The following CDC42SE2 variants were observed in gnomAD, a reference collection of about 807,000 sequenced individuals.
The protein encoded by CDC42SE2 is CDC42 small effector protein 2.
In CDC42SE2, 3 loss-of-function variants were observed where a neutral mutation model predicts 11.5. That is an observed-to-expected ratio of 0.26 (90% CI 0.12 to 0.67). The LOEUF (loss-of-function observed/expected upper bound fraction) is 0.67. Ranked by LOEUF, CDC42SE2 falls within the 30% of genes least tolerant of loss-of-function variation. CDC42SE2 has a pLI of 0.80. For missense variants in CDC42SE2, 82 were observed against 106.8 expected (o/e 0.77, Z 1.02); for synonymous variants, 33 against 34.8 (o/e 0.95, Z 0.18).
chr5:131,234,891 A>ATTTTT, the CDC42SE2 span, among the ~76,000 whole-genome samples: 1 of 135,058 alleles, frequency 7.4e-6, no homozygotes, highest in Admixed American at 7.5e-5. Context: ...GTGAGGGCAA[A>ATTTTT]TTTTTTTTTT....
At chr5:131,308,828 G>A (rs1023850335) in intron 1 of CDC42SE2, among the ~76,000 whole-genome samples, 1 of 152,306 alleles carries the variant, frequency 6.6e-6, no homozygotes, top group Non-Finnish European at 1.5e-5. Context: ...TTGCTTATCA[G>A]CTTAGGGAGA....
At chr5:131,236,974 C>T in the CDC42SE2 span, among the ~76,000 whole-genome samples, 36 of 152,322 alleles carry the variant, frequency 2.4e-4, no homozygotes, top group African/African-American at 8.4e-4. Flanking sequence ...CATTACTCCT[C>T]TATTTCATAT....
At chr5:131,331,560 A>G (rs1341032130) in intron 2 of CDC42SE2, among the ~76,000 whole-genome samples, 1 of 152,226 alleles carries the variant, frequency 6.6e-6, no homozygotes, top group Non-Finnish European at 1.5e-5. Context: ...AGTGAAATAT[A>G]TGATTAACAT....
rs1195746400 is a variant in CDC42SE2 at position 131,253,885 on chromosome 5, C to A, written n.108-1210C>A. Among the ~76,000 whole-genome samples the A allele has an allele frequency of 3.3e-5, 5 of 152,294 alleles. No individual in the cohort carries two copies. In the South Asian group the frequency reaches 1.0e-3, roughly 32 times the overall value. On this transcript the variant is annotated intron_variant and non_coding_transcript_variant, in intron 1 of 3. Transcript: ENST00000502840. The stretch of plus-strand genomic sequence containing the variant: ...ACTTGCGTTAGGTTTTTTTGGGAAT[C>A]TCTCATAGTCACTTTCAGTGTTCCA...
chr5:131,351,411 C>T lies in CDC42SE2; in HGVS notation c.-285-7798C>T, dbSNP rs575938134. On this transcript the variant is annotated intron_variant, in intron 2 of 4. Transcript: ENST00000505065. Reference sequence around the variant, plus strand: ...CTGGGACTACAGGTGCCTGCCACCACGCCCAGCAAATTTTTTGTATTTTTA... The same window carrying T: ...CTGGGACTACAGGTGCCTGCCACCATGCCCAGCAAATTTTTTGTATTTTTA... 1.6e-3 allele frequency among the ~76,000 whole-genome samples: 251 copies of T among 152,208 alleles called. 1 individual carries two copies. Among genetic ancestry groups the T allele is most frequent in the African/African-American group, 5.3e-3 (221 of 41,490 alleles).
rs564948166 is a variant in CDC42SE2 at position 131,270,844 on chromosome 5, T to A, written c.-455+6678T>A. On this transcript the variant is annotated intron_variant, in intron 1 of 4. Coordinates refer to ENST00000505065, the MANE Select transcript of CDC42SE2 (RefSeq NM_001375635.1). ...CTAGAAGCTTGTTTTGGAGGAAGAGTCGTACTTAGTTGGCTTCTCTTTTTA... is the reference window on the plus strand; with the variant it reads ...CTAGAAGCTTGTTTTGGAGGAAGAGACGTACTTAGTTGGCTTCTCTTTTTA... Among the ~76,000 whole-genome samples the A allele has an allele frequency of 3.3e-5, 5 of 152,164 alleles. No individual in the cohort carries two copies. The South Asian group carries it at 1.0e-3, about 32-fold the overall frequency.
the CDC42SE2 span, among the ~76,000 whole-genome samples, chr5:131,211,777 T>C: frequency 1.2e-4 from 19 of 152,126 alleles, no homozygotes; most frequent in Admixed American, 1.0e-3. Flanking sequence ...AGCCCAGGAT[T>C]TCAAGACCAG....
At chr5:131,292,784 C>T (rs1335720396) in intron 1 of CDC42SE2, among the ~76,000 whole-genome samples, 1 of 150,870 alleles carries the variant, frequency 6.6e-6, no homozygotes, top group Non-Finnish European at 1.5e-5. Flanking sequence ...TGGTGGCATA[C>T]ACCTGTAGTC....
chr5:131,359,614 G>T lies in CDC42SE2; in HGVS notation c.54+67G>T, dbSNP rs1749651197. On this transcript the variant is annotated intron_variant, in intron 3 of 4. Transcript: ENST00000505065. ...TAAACTTTCCACTGGTTCTCAAACT[G>T]AGGATTGGGATCCTAGCAGTAATTG... 3.5e-6 allele frequency: 4 copies of T among 1,140,544 alleles called. 1 individual carries two copies. In the South Asian group the frequency reaches 4.9e-5, roughly 14 times the overall value. The allele number at this position is 1,140,544 out of a possible 1,614,324, so 70.7% of individuals were successfully genotyped here.
chr5:131,262,383 A>C (rs2149686741), upstream of CDC42SE2, among the ~76,000 whole-genome samples: 1 of 151,270 alleles, frequency 6.6e-6, no homozygotes, highest in East Asian at 1.9e-4. Flanking sequence ...CTTATGGTTA[A>C]CTGAAACAGA....
chr5:131,225,914 T>C, the CDC42SE2 span, among the ~76,000 whole-genome samples: 1 of 152,284 alleles, frequency 6.6e-6, no homozygotes, highest in South Asian at 2.1e-4. Context: ...GAGTGTTGGA[T>C]CAGGGTGGAA....
upstream of CDC42SE2, chr5:131,263,555 T>C (rs1471518788): frequency 6.6e-6 from 1 of 152,228 alleles, no homozygotes; most frequent in African/African-American, 2.4e-5. Flanking sequence ...GACTTTTACA[T>C]GAAAAAGCAG....
At chr5:131,237,625 C>T in the CDC42SE2 span, among the ~76,000 whole-genome samples, 1 of 152,306 alleles carries the variant, frequency 6.6e-6, no homozygotes, top group South Asian at 2.1e-4. Flanking sequence ...TGTCACCAGG[C>T]TGGAGTGCAG....
chr5:131,274,409 T>A (rs1757058767), intron 1 of CDC42SE2, among the ~76,000 whole-genome samples: 1 of 152,196 alleles, frequency 6.6e-6, no homozygotes, highest in Admixed American at 6.5e-5. Flanking sequence ...TTATCTATCT[T>A]AAAAACTGCC....
At chr5:131,339,851 A>G (rs569194870) in intron 2 of CDC42SE2, among the ~76,000 whole-genome samples, 2 of 152,028 alleles carry the variant, frequency 1.3e-5, no homozygotes, top group South Asian at 2.1e-4. Flanking sequence ...TCATTGAACT[A>G]AAAGAGTCAT....
chr5:131,337,030 G>A (rs183732692), intron 2 of CDC42SE2, among the ~76,000 whole-genome samples: 4 of 152,334 alleles, frequency 2.6e-5, no homozygotes, highest in Admixed American at 2.6e-4. Flanking sequence ...TTCCTTTGGA[G>A]GAGGAGAGGC....
chr5:131,322,681 T>G (rs1758216618), intron 2 of CDC42SE2, among the ~76,000 whole-genome samples: 1 of 152,130 alleles, frequency 6.6e-6, no homozygotes, highest in African/African-American at 2.4e-5. Flanking sequence ...GTATGTTTGT[T>G]TATCTGTTCT....
the CDC42SE2 span, among the ~76,000 whole-genome samples, chr5:131,215,192 C>T: frequency 6.6e-6 from 1 of 152,210 alleles, no homozygotes; most frequent in Non-Finnish European, 1.5e-5. Context: ...ATTCTAGTCA[C>T]AGCTGTGTCG....
chr5:131,239,514 G>A, the CDC42SE2 span, among the ~76,000 whole-genome samples: 1 of 152,080 alleles, frequency 6.6e-6, no homozygotes, highest in Non-Finnish European at 1.5e-5. Context: ...GTGTTTGGAG[G>A]GACTGTAATC....
Sources: allele counts gnomAD v4.1 joint callset (sites outside exome capture counted in the v4.1 genomes callset), GRCh38; gene constraint gnomAD v4.1.1; transcripts MANE v1.5; gene names NCBI Gene and HGNC (gene_info 2026-07-23, HGNC 2026-07-21).